Variants in RSF1 observed in about 807,000 individuals in gnomAD.
The protein encoded by RSF1 is remodeling and spacing factor 1.
A neutral mutation model predicts 145.2 loss-of-function variants in RSF1; 13 were observed. The observed-to-expected ratio is 0.09, with a 90% CI of 0.06 to 0.14. The LOEUF is 0.14. Ranked by LOEUF, RSF1 falls within the 10% of genes least tolerant of loss-of-function variation. The probability of loss-of-function intolerance (pLI) is 1.00; values close to 1 mark genes in which losing one functional copy is unlikely to be tolerated. For missense variants in RSF1, 1,517 were observed against 1,718.2 expected (o/e 0.88, Z 2.07); for synonymous variants, 577 against 592.6 (o/e 0.97, Z 0.38).
chr11:77,828,510 A>G, the RSF1 span, among the ~76,000 whole-genome samples: 1 of 151,910 alleles, frequency 6.6e-6, no homozygotes, highest in Non-Finnish European at 1.5e-5. Flanking sequence ...TACTAAAAAT[A>G]CAAAAACAAA....
chr11:77,751,345 AGCCC>A (rs1369975173), intron 2 of RSF1, among the ~76,000 whole-genome samples: 3 of 152,212 alleles, frequency 2.0e-5, no homozygotes, highest in African/African-American at 7.2e-5. Flanking sequence ...GGGGGCAGCT[AGCCC>A]CACTTAAGTT....
intron 1 of RSF1, among the ~76,000 whole-genome samples, chr11:77,816,391 T>C (rs1481418433): frequency 2.0e-5 from 3 of 152,214 alleles, no homozygotes; most frequent in South Asian, 2.1e-4. Context: ...AGAGAGACCA[T>C]AGTAAGTTAT....
chr11:77,690,556 C>T (rs1590831486), intron 9 of RSF1, among the ~76,000 whole-genome samples: 4 of 152,252 alleles, frequency 2.6e-5, no homozygotes, highest in East Asian at 3.9e-4. Flanking sequence ...CCTCAGCCTC[C>T]GAGTAGTTGG....
At chr11:77,683,430 G>A (rs975676447) in intron 11 of RSF1, among the ~76,000 whole-genome samples, 4 of 151,950 alleles carry the variant, frequency 2.6e-5, no homozygotes, top group African/African-American at 7.3e-5. Context: ...TAGGCCGGGC[G>A]CGGTGGCTCA....
chr11:77,676,748 C>A, intron 13 of RSF1, 44 bp downstream of exon 13: 1 of 1,567,242 alleles, frequency 6.4e-7, no homozygotes, highest in South Asian at 1.1e-5. Context: ...CAGTCCTGTT[C>A]CTGCTGGTAT....
Position 77,700,781 on chromosome 11 carries a change from T to G in RSF1, c.2448A>C (p.Lys816Asn). The G allele has an allele frequency of 6.3e-7, 1 of 1,593,284 alleles. No individual in the cohort carries two copies. The highest frequency in any genetic ancestry group is 1.4e-5 in the African/African-American group (1 of 73,538). Residue 816 changes from lysine to asparagine, a missense_variant, in exon 6 of 16, where the codon AAA (lysine) becomes AAC (asparagine). By Grantham distance (94) the Lys-to-Asn change is moderately conservative (BLOSUM62 0). Coordinates refer to ENST00000308488, the MANE Select transcript of RSF1 (RefSeq NM_016578.4). ...EVEEESTALQ[K>N]TDKKEILKKS... ...TTTTCAAAATTTCCTTTTTGTCAGTTTTTTGCAAAGCTGTTGACTCTTCTT... is the reference window on the plus strand; with the variant it reads ...TTTTCAAAATTTCCTTTTTGTCAGTGTTTTGCAAAGCTGTTGACTCTTCTT...
chr11:77,689,320 G>A (rs781445942), intron 9 of RSF1, among the ~76,000 whole-genome samples: 2 of 151,936 alleles, frequency 1.3e-5, no homozygotes, highest in African/African-American at 2.4e-5. Context: ...TTTGATGGCC[G>A]CCCCACTTTC....
intron 2 of RSF1, among the ~76,000 whole-genome samples, chr11:77,760,620 GTTAATC>G (rs1284964103): frequency 2.0e-5 from 3 of 152,106 alleles, no homozygotes; most frequent in South Asian, 2.1e-4. Flanking sequence ...AATTAAGAGT[GTTAATC>G]TTAATTTACT....
intron 5 of RSF1, among the ~76,000 whole-genome samples, chr11:77,704,799 C>CTGGA (rs1960506312): frequency 6.8e-6 from 1 of 147,102 alleles, no homozygotes; most frequent in African/African-American, 2.6e-5. Context: ...GTTGCCCAGG[C>CTGGA]TGGAGTGCAA....
intron 1 of RSF1, among the ~76,000 whole-genome samples, chr11:77,817,218 A>G (rs1465764815): frequency 6.6e-6 from 1 of 152,246 alleles, no homozygotes; most frequent in Non-Finnish European, 1.5e-5. Context: ...GTGAAAAAAT[A>G]ACCTAGCTAA....
chr11:77,847,665 T>C, the RSF1 span, among the ~76,000 whole-genome samples: 7 of 152,266 alleles, frequency 4.6e-5, no homozygotes, highest in African/African-American at 1.7e-4. Context: ...ATGGGAAGAA[T>C]AGGTGGTGGT....
chr11:77,853,077 G>T, the RSF1 span, among the ~76,000 whole-genome samples: 2 of 152,198 alleles, frequency 1.3e-5, no homozygotes, highest in African/African-American at 4.8e-5. Flanking sequence ...TGTGCTTAAA[G>T]AGTAAATGTA....
chr11:77,719,993 G>A (rs1309023658), intron 5 of RSF1, among the ~76,000 whole-genome samples: 2 of 152,308 alleles, frequency 1.3e-5, no homozygotes, highest in African/African-American at 4.8e-5. Context: ...GAAATGGCAA[G>A]TAACTTCTAA....
At chr11:77,693,380 C>T in intron 8 of RSF1, 127 bp downstream of exon 8, 1 of 538,276 alleles carries the variant, frequency 1.9e-6, no homozygotes, top group East Asian at 3.2e-5. Context: ...AGGTAGAAAT[C>T]TAAACAGAGG....
At chr11:77,721,296 A>G (rs560242772) in intron 5 of RSF1, among the ~76,000 whole-genome samples, 1 of 152,298 alleles carries the variant, frequency 6.6e-6, no homozygotes, top group Admixed American at 6.5e-5. Context: ...TGATCCCCCA[A>G]CACAGCCCAA....
chr11:77,696,965 G>GT (rs1467875702), intron 7 of RSF1, among the ~76,000 whole-genome samples: 1 of 152,136 alleles, frequency 6.6e-6, no homozygotes, highest in Non-Finnish European at 1.5e-5. Flanking sequence ...AAAGAAAAGA[G>GT]TAAGTAAACC....
At chr11:77,683,915 T>C (rs1590827838) in intron 10 of RSF1, 96 bp from the exon 11 acceptor site, 2 of 864,156 alleles carry the variant, frequency 2.3e-6, no homozygotes, top group Admixed American at 2.6e-5. Context: ...AGGTAGCACA[T>C]GTGAAAGGTC....
intron 1 of RSF1, chr11:77,813,770 A>G (rs1236793076): frequency 3.6e-5 from 10 of 278,178 alleles, no homozygotes; most frequent in Non-Finnish European, 1.4e-5. Context: ...GAGCCGCAGC[A>G]CCTACCACCG....
At chr11:77,789,939 G>A (rs752047746) in intron 1 of RSF1, among the ~76,000 whole-genome samples, 38 of 152,148 alleles carry the variant, frequency 2.5e-4, no homozygotes, top group Non-Finnish European at 4.6e-4. Context: ...ACCTGCAGAC[G>A]CCACCTGCAG....
Sources: allele counts gnomAD v4.1 joint callset (sites outside exome capture counted in the v4.1 genomes callset), GRCh38; gene constraint gnomAD v4.1.1; transcripts MANE v1.5; gene names NCBI Gene and HGNC (gene_info 2026-07-23, HGNC 2026-07-21).